Variants in INSL6 observed in about 807,000 individuals in gnomAD.
The protein encoded by INSL6 is insulin like 6, also known as insulin-like peptide INSL6.
INSL6 carries 16 observed loss-of-function variants against 9.4 expected under a neutral mutation model. The ratio of observed to expected loss-of-function variants is 1.70; its 90% confidence interval spans 1.15 to 2.59. The LOEUF is 2.59. INSL6 is among the 30% of genes most tolerant of loss of function. The probability of loss-of-function intolerance (pLI) is 0.00; values close to 1 mark genes in which losing one functional copy is unlikely to be tolerated. For synonymous variants in INSL6, 154 were observed against 96.9 expected, an observed-to-expected ratio of 1.59 and a Z score of -3.46; for missense variants, 391 against 257.3, an observed-to-expected ratio of 1.52 and a Z score of -3.56.
At chr9:5,080,507 C>G in the INSL6 span, 2 of 1,562,004 alleles carry the variant, frequency 1.3e-6, no homozygotes, top group South Asian at 1.2e-5. Context: ...ACAATTTATT[C>G]TCAGTTTGTG....
chr9:5,166,338 A>G (rs1425871888), intron 1 of INSL6, among the ~76,000 whole-genome samples: 2 of 152,136 alleles, frequency 1.3e-5, no homozygotes, highest in Non-Finnish European at 2.9e-5. Context: ...GAGGTTATTT[A>G]GGTGAATCTA....
the INSL6 span, among the ~76,000 whole-genome samples, chr9:4,999,966 T>C: frequency 6.6e-6 from 1 of 152,190 alleles, no homozygotes; most frequent in Admixed American, 6.5e-5. Context: ...ATTCTTCTTG[T>C]TTACCAGTCA....
intron 2 of INSL6, among the ~76,000 whole-genome samples, chr9:5,148,907 C>A (rs1479268098): frequency 6.6e-6 from 1 of 152,002 alleles, no homozygotes; most frequent in African/African-American, 2.4e-5. Flanking sequence ...CTGGCAGGGA[C>A]CCTGGGAGGT....
chr9:5,170,729 G>C (rs371042489), intron 1 of INSL6, among the ~76,000 whole-genome samples: 1 of 151,608 alleles, frequency 6.6e-6, no homozygotes, highest in Non-Finnish European at 1.5e-5. Context: ...CCAATAAACC[G>C]GAAAATCTAG....
chr9:5,110,163 C>T, the INSL6 span: 2 of 152,332 alleles, frequency 1.3e-5, no homozygotes, highest in Admixed American at 6.5e-5. Flanking sequence ...TCCCTGACTT[C>T]CATCCGCCAT....
the INSL6 span, among the ~76,000 whole-genome samples, chr9:5,046,443 T>C: frequency 6.6e-6 from 1 of 152,212 alleles, no homozygotes; most frequent in Non-Finnish European, 1.5e-5. Flanking sequence ...TTGTTTCCTA[T>C]GTTTTTGGTG....
intron 2 of INSL6, among the ~76,000 whole-genome samples, chr9:5,146,972 C>T (rs763979198): frequency 2.0e-5 from 3 of 152,088 alleles, no homozygotes; most frequent in Non-Finnish European, 2.9e-5. Context: ...AAGGAGCGTT[C>T]AGGTAGGACC....
chr9:5,153,778 C>G (rs1374641549), intron 2 of INSL6, among the ~76,000 whole-genome samples: 1 of 152,090 alleles, frequency 6.6e-6, no homozygotes, highest in African/African-American at 2.4e-5. Flanking sequence ...ATGTGGAGGA[C>G]CTCTTCAAGG....
intron 1 of INSL6, among the ~76,000 whole-genome samples, chr9:5,169,356 C>T (rs1265480618): frequency 6.6e-6 from 1 of 152,170 alleles, no homozygotes; most frequent in Non-Finnish European, 1.5e-5. Flanking sequence ...ACCTGCCTTG[C>T]AAGAGCTCCT....
chr9:5,136,319 AAAGAG>A, intron 2 of INSL6, among the ~76,000 whole-genome samples: 1 of 152,280 alleles, frequency 6.6e-6, no homozygotes, highest in Middle Eastern at 3.4e-3. Flanking sequence ...CACAACAAAA[AAAGAG>A]AATTTTAGGC....
the INSL6 span, among the ~76,000 whole-genome samples, chr9:5,030,227 T>C: frequency 1.3e-5 from 2 of 152,196 alleles, no homozygotes; most frequent in African/African-American, 4.8e-5. Flanking sequence ...TGCTGGTTTG[T>C]GCAGCGTTTT....
the INSL6 span, among the ~76,000 whole-genome samples, chr9:5,062,200 G>T: frequency 6.6e-6 from 1 of 151,878 alleles, no homozygotes; most frequent in African/African-American, 2.4e-5. Flanking sequence ...TATGTGTAGG[G>T]CTGACATTTT....
At chr9:5,180,793 T>C (rs116615665) in intron 1 of INSL6, among the ~76,000 whole-genome samples, 1,766 of 152,294 alleles carry the variant, frequency 0.012, 28 homozygotes, top group African/African-American at 0.041. Context: ...GTGATCTTTA[T>C]TGGACCCTTA....
rs114386854 is a variant in INSL6 at position 5,185,381 on chromosome 9, G to C, written c.222C>G (p.Ala74=). The C allele has an allele frequency of 9.3e-4, 1,495 of 1,614,136 alleles. 7 individuals are homozygous for C. The African/African-American group carries it at 0.016, about 17-fold the overall frequency. The change falls in exon 1 of 2, where the codon GCC becomes GCG. Residue 74 remains alanine (A), a synonymous_variant. Coordinates refer to ENST00000381641, the MANE Select transcript of INSL6 (RefSeq NM_007179.3). ...GGCTTTCGAACTGGTATGGGCTGTA[G>C]GCTTCGACCTTCTCCGAGGCCTGTG... is the stretch of plus-strand genomic sequence containing the variant. ...LIAQASEKVE[A]YSPYQFESPQ... is the part of the protein sequence containing the mutation.
At chr9:5,090,935 A>G in the INSL6 span, 3 of 1,477,074 alleles carry the variant, frequency 2.0e-6, no homozygotes, top group Non-Finnish European at 2.7e-6. Context: ...AGTATGATAA[A>G]TGAAATTTTA....
At chr9:5,168,322 A>G (rs925778589) in intron 1 of INSL6, among the ~76,000 whole-genome samples, 2 of 152,196 alleles carry the variant, frequency 1.3e-5, no homozygotes, top group Admixed American at 6.5e-5. Context: ...GAAGCTAAGA[A>G]CCATAATAAA....
the INSL6 span, among the ~76,000 whole-genome samples, chr9:5,019,315 G>A: frequency 2.6e-5 from 4 of 152,092 alleles, no homozygotes; most frequent in East Asian, 1.9e-4. Flanking sequence ...TTCTTTCTTC[G>A]TAGATGCTCT....
chr9:5,029,723 G>T, the INSL6 span: 1 of 1,407,628 alleles, frequency 7.1e-7, no homozygotes, highest in South Asian at 1.4e-5. Flanking sequence ...AATTATAGGT[G>T]CTATGTAAAA....
the INSL6 span, among the ~76,000 whole-genome samples, chr9:5,053,178 G>A: frequency 3.3e-5 from 5 of 152,020 alleles, no homozygotes; most frequent in Non-Finnish European, 7.4e-5. Context: ...CTAGTGGGTG[G>A]AAGTGCTGTC....
Sources: gnomAD v4.1 joint callset for allele counts (sites outside exome capture counted in the v4.1 genomes callset) on GRCh38, gnomAD v4.1.1 for gene constraint, MANE v1.5 for transcripts, NCBI Gene and HGNC (gene_info 2026-07-23, HGNC 2026-07-21) for gene names.